LRBA: variants seen among roughly 807,000 people sequenced by gnomAD.
The protein encoded by LRBA is LPS responsive beige-like anchor protein.
Under a neutral mutation model 330.0 loss-of-function variants are expected in LRBA, and 176 were observed. The observed-to-expected ratio is 0.53, with a 90% CI of 0.47 to 0.60. The LOEUF is 0.60. Among genes scored for constraint, LRBA ranks in the 20% least tolerant of loss-of-function variants. The probability of loss-of-function intolerance (pLI) is 0.00; values close to 1 mark genes in which losing one functional copy is unlikely to be tolerated. For synonymous variants in LRBA, 1,230 were observed against 1,193.0 expected (o/e 1.03, Z -0.64); for missense variants, 3,259 against 3,444.8 (o/e 0.95, Z 1.35).
chr4:150,495,532 A>C (rs557314878), intron 40 of LRBA, among the ~76,000 whole-genome samples: 75 of 152,308 alleles, frequency 4.9e-4, no homozygotes, highest in African/African-American at 1.6e-3. Context: ...AGAAACTAGC[A>C]ATCTCTTAAC....
chr4:151,006,261 G>C (rs1370893193), intron 2 of LRBA, among the ~76,000 whole-genome samples: 1 of 152,148 alleles, frequency 6.6e-6, no homozygotes, highest in Non-Finnish European at 1.5e-5. Context: ...CAGAGGCGGA[G>C]GCTGCCGTGA....
intron 2 of LRBA, among the ~76,000 whole-genome samples, chr4:150,995,371 G>GA (rs1331291999): frequency 6.6e-6 from 1 of 151,592 alleles, no homozygotes; most frequent in Non-Finnish European, 1.5e-5. Flanking sequence ...AAGCCCCCAA[G>GA]AATCAGCAGA....
At chr4:150,508,310 C>T (rs7671685) in intron 40 of LRBA, among the ~76,000 whole-genome samples, 128,319 of 146,814 alleles carry the variant, frequency 0.87, 56,932 homozygotes, top group Non-Finnish European at 0.95. Flanking sequence ...TGAGACAGAC[C>T]CTTGCTCTGT....
chr4:150,318,986 A>G (rs932786761), intron 50 of LRBA, among the ~76,000 whole-genome samples: 17 of 152,160 alleles, frequency 1.1e-4, no homozygotes, highest in Non-Finnish European at 2.2e-4. Context: ...TTATAGAAAA[A>G]TTGGAAGTGG....
chr4:150,939,855 T>C (rs1735476814), intron 2 of LRBA, among the ~76,000 whole-genome samples: 1 of 152,080 alleles, frequency 6.6e-6, no homozygotes. Flanking sequence ...GAGGGTGAAA[T>C]ATCACCTATT....
At chr4:150,522,936 A>G (rs1763080868) in intron 40 of LRBA, among the ~76,000 whole-genome samples, 1 of 152,128 alleles carries the variant, frequency 6.6e-6, no homozygotes, top group African/African-American at 2.4e-5. Flanking sequence ...ACCACCAAAG[A>G]CAGCACCCAC....
At chr4:150,878,678 A>C (rs1406899686) in intron 17 of LRBA, among the ~76,000 whole-genome samples, 1 of 152,130 alleles carries the variant, frequency 6.6e-6, no homozygotes, top group Non-Finnish European at 1.5e-5. Context: ...TCTCATAGAA[A>C]TACAAAAGAT....
At chr4:150,404,741 A>G (rs533760900) in intron 47 of LRBA, among the ~76,000 whole-genome samples, 1 of 152,382 alleles carries the variant, frequency 6.6e-6, no homozygotes, top group East Asian at 1.9e-4. Flanking sequence ...AATCATTAAT[A>G]TATTTTAATG....
At chr4:150,467,808 G>A (rs375548006) in intron 43 of LRBA, 23 bp from the exon 44 acceptor site, 89 of 1,066,914 alleles carry the variant, frequency 8.3e-5, no homozygotes, top group Middle Eastern at 4.2e-4. Flanking sequence ...AAAGTTACTC[G>A]TAATTTATAA....
chr4:150,805,262 G>A (rs138564451), intron 33 of LRBA, among the ~76,000 whole-genome samples: 5 of 135,936 alleles, frequency 3.7e-5, no homozygotes, highest in Admixed American at 8.3e-5. Context: ...AGAAGGAAAC[G>A]AGAAGGAAAG....
chr4:150,853,658 G>GA (rs1323532312), intron 22 of LRBA, among the ~76,000 whole-genome samples: 11 of 151,968 alleles, frequency 7.2e-5, no homozygotes, highest in Non-Finnish European at 1.3e-4. Context: ...ACCCAAATGG[G>GA]AAAAAACTGA....
chr4:150,924,299 C>T (rs1386613624), intron 4 of LRBA, among the ~76,000 whole-genome samples: 1 of 152,012 alleles, frequency 6.6e-6, no homozygotes, highest in African/African-American at 2.4e-5. Context: ...ATCGCTTGAG[C>T]CTAGGGGTTT....
intron 47 of LRBA, among the ~76,000 whole-genome samples, chr4:150,406,705 G>T (rs914530645): frequency 2.0e-5 from 3 of 152,172 alleles, no homozygotes; most frequent in Non-Finnish European, 2.9e-5. Flanking sequence ...CCCCCAGGAA[G>T]ATATCAGGTC....
intron 37 of LRBA, among the ~76,000 whole-genome samples, chr4:150,619,942 A>G (rs890578353): frequency 1.3e-5 from 2 of 152,170 alleles, no homozygotes; most frequent in African/African-American, 4.8e-5. Context: ...ACAACATAGC[A>G]CAAATTGGAT....
chr4:150,383,417 T>C lies in LRBA; in HGVS notation c.7194+32021A>G, dbSNP rs925761297. Among the ~76,000 whole-genome samples, 36 of 152,046 alleles carry C rather than the reference T, an allele frequency of 2.4e-4. 1 individual carries two copies. Among genetic ancestry groups the C allele is most frequent in the Admixed American group, 3.3e-4 (5 of 15,272 alleles). On this transcript the variant is annotated intron_variant, in intron 47 of 56. Transcript: ENST00000651943. The stretch of plus-strand genomic sequence containing the variant: ...GTGTAGAACCACCATGTCTGGCTAA[T>C]TTTTTATTTTAATTTCTGTAGAGAT...
At chr4:150,597,197 T>A in intron 38 of LRBA, 1 of 664,800 alleles carries the variant, frequency 1.5e-6, no homozygotes, top group Non-Finnish European at 2.6e-6. Flanking sequence ...TCTATACAAG[T>A]CAAGAGTCTT....
chr4:150,871,038 G>C (rs1284551837), intron 19 of LRBA, among the ~76,000 whole-genome samples: 1 of 152,098 alleles, frequency 6.6e-6, no homozygotes, highest in Non-Finnish European at 1.5e-5. Context: ...GAGGTCAGGA[G>C]TTCGAGACCA....
chr4:150,834,330 T>TA (rs1747661934), intron 28 of LRBA, among the ~76,000 whole-genome samples: 1 of 152,192 alleles, frequency 6.6e-6, no homozygotes, highest in Non-Finnish European at 1.5e-5. Context: ...TACAGCCTGA[T>TA]AAAATGTATG....
At chr4:150,694,505 T>C (rs1032660703) in intron 36 of LRBA, among the ~76,000 whole-genome samples, 4 of 60,398 alleles carry the variant, frequency 6.6e-5, no homozygotes, top group African/African-American at 1.7e-4. Context: ...GAAAGACTCA[T>C]AGAAAAGACA....
Sources: allele counts gnomAD v4.1 joint callset (sites outside exome capture counted in the v4.1 genomes callset), GRCh38; gene constraint gnomAD v4.1.1; transcripts MANE v1.5; gene names NCBI Gene and HGNC (gene_info 2026-07-23, HGNC 2026-07-21).